The following MMUT variants were observed in gnomAD, a reference collection of about 807,000 sequenced individuals.
MMUT encodes the protein methylmalonyl-CoA mutase, also known as methylmalonyl-CoA mutase, mitochondrial.
A neutral mutation model predicts 79.9 loss-of-function variants in MMUT; 79 were observed. That is an observed-to-expected ratio of 0.99 (90% CI 0.82 to 1.19). The LOEUF (loss-of-function observed/expected upper bound fraction) is 1.19, where lower values mean the gene tolerates loss of function less well. Among genes scored for constraint, MMUT ranks in the 50% most tolerant of loss-of-function variants. The probability of loss-of-function intolerance (pLI) is 0.00; values close to 1 mark genes in which losing one functional copy is unlikely to be tolerated. For synonymous variants in MMUT, 273 were observed against 295.7 expected, an observed-to-expected ratio of 0.92 and a Z score of 0.79; for missense variants, 860 against 917.2, an observed-to-expected ratio of 0.94 and a Z score of 0.81.
Position 49,435,446 on chromosome 6 carries a change from T to G in MMUT, c.2124+10A>C. On this transcript the variant is annotated intron_variant, in intron 12 of 12. Transcript: ENST00000274813. ...CATCACAGTACTAGAAAAATAGAGA[T>G]AAAAAATACCTGAGGTGGTATCACC... 6.2e-7 allele frequency: 1 copy of G among 1,610,754 alleles called. No individual in the cohort carries two copies. Among genetic ancestry groups the G allele is most frequent in the South Asian group, 1.1e-5 (1 of 90,992 alleles).
At chr6:49,457,595 TACTC>T in intron 3 of MMUT, 92 bp downstream of exon 3, 1 of 1,045,110 alleles carries the variant, frequency 9.6e-7, no homozygotes, top group Admixed American at 2.5e-5. Flanking sequence ...AAATTTATAT[TACTC>T]AGACTAAATT....
chr6:49,446,634 C>T (rs1029622263), intron 8 of MMUT, among the ~76,000 whole-genome samples: 3 of 151,638 alleles, frequency 2.0e-5, no homozygotes, highest in African/African-American at 7.2e-5. Flanking sequence ...ACAAAAACAA[C>T]AATTCAAGAA....
chr6:49,458,964 T>G, intron 2 of MMUT, 118 bp downstream of exon 2: 1 of 1,051,266 alleles, frequency 9.5e-7, no homozygotes, highest in South Asian at 1.6e-5. Context: ...CAGAGTATAG[T>G]CTTTAACTAC....
chr6:49,458,915 AT>A (rs1326694666), intron 2 of MMUT, among the ~76,000 whole-genome samples, 166 bp downstream of exon 2: 3 of 152,194 alleles, frequency 2.0e-5, no homozygotes, highest in Non-Finnish European at 4.4e-5. Context: ...TAATTCACTT[AT>A]CTTTTTGACC....
At chr6:49,435,793 AT>A (rs777879716) in intron 11 of MMUT, among the ~76,000 whole-genome samples, 170 bp from the exon 12 acceptor site, 28 of 152,332 alleles carry the variant, frequency 1.8e-4, no homozygotes, top group South Asian at 6.2e-4. Context: ...CAAATGAGAT[AT>A]AATTAAACTA....
In MMUT at chr6:49,440,278, G is replaced by C. The variant is rs1335659494; in HGVS notation, c.1884C>G (p.Asp628Glu). The C allele has an allele frequency of 6.2e-7, 1 of 1,613,920 alleles. No homozygotes were observed. The highest frequency in any genetic ancestry group is 1.3e-5 in the African/African-American group (1 of 74,904). Residue 628 changes from aspartate (D) to glutamate (E), a missense_variant, in exon 11 of 13, where the codon GAC (aspartate) becomes GAG (glutamate). By Grantham distance (45) the Asp-to-Glu change is conservative. Coordinates refer to ENST00000274813, the MANE Select transcript of MMUT (RefSeq NM_000255.4). ...CTGTAGCAATAACTTTTGCTCCTCT[G>C]TCATGGCCATCTTGTCCCATTTTTG... ...LVAKMGQDGH[D>E]RGAKVIATGF...
At chr6:49,431,971 C>T (rs912295066) in intron 12 of MMUT, 115 bp from the exon 13 acceptor site, 38 of 1,217,834 alleles carry the variant, frequency 3.1e-5, no homozygotes, top group Non-Finnish European at 4.2e-5. Context: ...AACTGGTATA[C>T]TACTGGCATT....
intron 1 of MMUT, among the ~76,000 whole-genome samples, chr6:49,460,608 G>A (rs549665911): frequency 1.5e-4 from 23 of 152,234 alleles, no homozygotes; most frequent in African/African-American, 5.3e-4. Context: ...GCCGTAAACT[G>A]TTTACCTGAA....
chr6:49,441,849 G>C lies in MMUT; in HGVS notation c.1799C>G (p.Ala600Gly). ...AAACCTTACATATTACCTCTTGATAGCAGATGTTATCTCTTTACTTTCTCC... is the reference window on the plus strand; with the variant it reads ...AAACCTTACATATTACCTCTTGATACCAGATGTTATCTCTTTACTTTCTCC... ...EFGESKEITS[A>G]IKRVHKFMER... Residue 600 changes from alanine (A) to glycine (G), a missense_variant, in exon 10 of 13, where the codon GCT becomes GGT. Ala to Gly is a moderately conservative substitution (Grantham distance 60). Transcript: ENST00000274813. 6.2e-7 allele frequency: 1 copy of C among 1,611,140 alleles called. No homozygotes were observed. The highest frequency in any genetic ancestry group is 1.1e-5 in the South Asian group (1 of 90,968).
Position 49,455,098 on chromosome 6 carries a change from C to T in MMUT, c.911+982G>A, listed in dbSNP as rs1444632063. On this transcript the variant is annotated intron_variant, in intron 4 of 12. Coordinates refer to ENST00000274813, the MANE Select transcript of MMUT (RefSeq NM_000255.4). ...ACCCACAACATGTTAACATTAGTAA[C>T]ATTTCTTATGAAAAATAAGTATGCT... Among the ~76,000 whole-genome samples, 4 of 151,946 alleles carry T rather than the reference C, an allele frequency of 2.6e-5. No homozygotes were observed. In the South Asian group the frequency reaches 6.2e-4, roughly 24 times the overall value.
At position 49,451,489 on chromosome 6, in the gene MMUT, C is replaced by A; in HGVS notation, c.1309G>T (p.Asp437Tyr). Residue 437 changes from aspartate to tyrosine, a missense_variant, in exon 6 of 13, where the codon GAT becomes TAT. Asp to Tyr is a radical substitution (Grantham distance 160, BLOSUM62 -3). Coordinates refer to ENST00000274813, the MANE Select transcript of MMUT (RefSeq NM_000255.4). Reference protein sequence around the residue: ...GSYMMECLTNDVYDAALKLIN... With the variant: ...GSYMMECLTNYVYDAALKLIN... ...ACCTTTAAAGCAGCATCATAAACAT[C>A]ATTTGTGAGACATTCCATCATGTAA... 1 of 1,614,060 alleles carries A rather than the reference C, an allele frequency of 6.2e-7. No individual in the cohort carries two copies. The highest frequency in any genetic ancestry group is 8.5e-7 in the Non-Finnish European group (1 of 1,179,998).
chr6:49,450,834 C>T (rs1767533954), intron 6 of MMUT, among the ~76,000 whole-genome samples: 1 of 151,986 alleles, frequency 6.6e-6, no homozygotes, highest in African/African-American at 2.4e-5. Context: ...AAATATATTC[C>T]TACTATAATG....
chr6:49,458,255 G>C (rs1460855076), intron 2 of MMUT, among the ~76,000 whole-genome samples, 197 bp from the exon 3 acceptor site: 1 of 152,012 alleles, frequency 6.6e-6, no homozygotes, highest in Non-Finnish European at 1.5e-5. Context: ...TGTTTCCCTT[G>C]TGCCAAAATG....
At position 49,459,241 on chromosome 6, in the gene MMUT, T is replaced by C. The variant is rs752686314; in HGVS notation, c.226A>G (p.Arg76Gly). 1.2e-6 allele frequency: 2 copies of C among 1,614,188 alleles called. No homozygotes were observed. Among genetic ancestry groups the C allele is most frequent in the East Asian group, 4.5e-5 (2 of 44,864 alleles). The stretch of plus-strand genomic sequence containing the variant: ...TCTTCAGGTAAGTCCATAGTATCTC[T>C]CTTGGAATACAAGGGTTTTATAGAG... Reference protein sequence around the residue: ...GISIKPLYSKRDTMDLPEELP... With the variant: ...GISIKPLYSKGDTMDLPEELP... Residue 76 changes from arginine to glycine, a missense_variant, in exon 2 of 13, where the codon AGA (arginine) becomes GGA (glycine). By Grantham distance (125) the Arg-to-Gly change is moderately radical. Transcript: ENST00000274813.
chr6:49,448,359 C>T (rs1767462871), intron 7 of MMUT, among the ~76,000 whole-genome samples: 1 of 151,980 alleles, frequency 6.6e-6, no homozygotes, highest in Non-Finnish European at 1.5e-5. Flanking sequence ...TCTTTATTTA[C>T]TTGTTCATTT....
rs1024687372 is a variant in MMUT, at chr6:49,458,186, T to G, written c.386-128A>C. 5 of 924,304 alleles carry G rather than the reference T, an allele frequency of 5.4e-6. No homozygotes were observed. The African/African-American group carries it at 8.4e-5, about 15-fold the overall frequency. The allele number at this position is 924,304 out of a possible 1,614,324, so 57.3% of individuals were successfully genotyped here. ...TACACTTTTATAACAACTATTTTTA[T>G]GCTCATACATGTCAAAACCAACTTA... On this transcript the variant is annotated intron_variant, in intron 2 of 12. Transcript: ENST00000274813.
At chr6:49,455,133 A>AATAT (rs573545747) in intron 4 of MMUT, among the ~76,000 whole-genome samples, 6 of 150,850 alleles carry the variant, frequency 4.0e-5, no homozygotes, top group Non-Finnish European at 8.9e-5. Context: ...TTCTTAAAAA[A>AATAT]ATATATATAT....
At chr6:49,448,226 T>C (rs1469179787) in intron 7 of MMUT, among the ~76,000 whole-genome samples, 3 of 152,030 alleles carry the variant, frequency 2.0e-5, no homozygotes, top group Non-Finnish European at 4.4e-5. Context: ...CTTCCTTACA[T>C]GATAAAGAAT....
At chr6:49,455,985 C>T (rs1372684048) in intron 4 of MMUT, 95 bp downstream of exon 4, 10 of 1,097,514 alleles carry the variant, frequency 9.1e-6, no homozygotes, top group Admixed American at 8.6e-5. Context: ...TAAATCTAGC[C>T]TGACATTTAT....
Sources: allele counts gnomAD v4.1 joint callset (sites outside exome capture counted in the v4.1 genomes callset), GRCh38; gene constraint gnomAD v4.1.1; transcripts MANE v1.5; gene names NCBI Gene and HGNC (gene_info 2026-07-23, HGNC 2026-07-21).